The following INPP5F variants were observed in gnomAD, a reference collection of about 807,000 sequenced individuals.
INPP5F encodes phosphatidylinositide 4-phosphatase SAC2.
A neutral mutation model predicts 137.2 loss-of-function variants in INPP5F; 97 were observed. That is an observed-to-expected ratio of 0.71 (90% CI 0.60 to 0.84). The LOEUF (loss-of-function observed/expected upper bound fraction) is 0.84, where lower values mean the gene tolerates loss of function less well. Among genes scored for constraint, INPP5F ranks in the 40% least tolerant of loss-of-function variants. The pLI, the probability that INPP5F is intolerant of heterozygous loss-of-function variation, is 0.00. For missense variants in INPP5F, 1,271 were observed against 1,371.9 expected (o/e 0.93, Z 1.16); for synonymous variants, 504 against 476.9 (o/e 1.06, Z -0.74).
intron 1 of INPP5F, among the ~76,000 whole-genome samples, chr10:119,741,051 G>T (rs1848359610): frequency 6.6e-6 from 1 of 152,158 alleles, no homozygotes; most frequent in African/African-American, 2.4e-5. Flanking sequence ...ATGGAATTCT[G>T]TTTACGAAGG....
chr10:119,828,634 T>C lies in INPP5F; in HGVS notation c.*854T>C, dbSNP rs546290279. 11 of 152,336 alleles carry C rather than the reference T, an allele frequency of 7.2e-5. No individual in the cohort carries two copies. The highest frequency in any genetic ancestry group is 6.5e-4 in the Admixed American group (10 of 15,290). The allele number at this position is 152,336 out of a possible 1,614,324, so 9.4% of individuals were successfully genotyped here. A position where few individuals can be genotyped will look rare whatever the true frequency, so the allele number is the denominator to read the frequency against. On this transcript the variant is annotated 3_prime_UTR_variant, in exon 20 of 20. Coordinates refer to ENST00000650623, the MANE Select transcript of INPP5F (RefSeq NM_014937.4). Reference sequence around the variant, plus strand: ...GGCCTAGTGCAGTGGCTCACACCTATAATCCCAACACTTTGGGAGGCCAGG... The same window carrying C: ...GGCCTAGTGCAGTGGCTCACACCTACAATCCCAACACTTTGGGAGGCCAGG...
At chr10:119,745,782 G>A (rs1459047005) in intron 1 of INPP5F, among the ~76,000 whole-genome samples, 3 of 136,904 alleles carry the variant, frequency 2.2e-5, no homozygotes, top group Non-Finnish European at 4.5e-5. Context: ...TCGGCTCACT[G>A]CAACCTCCAC....
intron 9 of INPP5F, among the ~76,000 whole-genome samples, chr10:119,802,366 T>TTA (rs1850623978): frequency 6.6e-6 from 1 of 152,196 alleles, no homozygotes; most frequent in Non-Finnish European, 1.5e-5. Context: ...GGAATCACTA[T>TTA]TAAGCCATGT....
intron 1 of INPP5F, among the ~76,000 whole-genome samples, chr10:119,742,236 A>C (rs1848397380): frequency 6.6e-6 from 1 of 150,814 alleles, no homozygotes; most frequent in Non-Finnish European, 1.5e-5. Flanking sequence ...GCTCACTGCA[A>C]CCTCTGCCTC....
chr10:119,811,257 C>T (rs1376161778), intron 14 of INPP5F, among the ~76,000 whole-genome samples: 1 of 152,062 alleles, frequency 6.6e-6, no homozygotes, highest in Non-Finnish European at 1.5e-5. Context: ...CAGTGGTTGG[C>T]AGGTCTTCTT....
chr10:119,726,055 G>A lies in INPP5F; in HGVS notation c.-208G>A, dbSNP rs995522989. 3.3e-5 allele frequency: 12 copies of A among 359,514 alleles called. No homozygotes were observed. Among genetic ancestry groups the A allele is most frequent in the African/African-American group, 8.7e-5 (4 of 46,088 alleles). The allele number at this position is 359,514 out of a possible 1,614,324, so 22.3% of individuals were successfully genotyped here. A position where few individuals can be genotyped will look rare whatever the true frequency, so the allele number is the denominator to read the frequency against. On this transcript the variant is annotated 5_prime_UTR_variant, in exon 1 of 20. Transcript: ENST00000650623. Reference sequence around the variant, plus strand: ...GGAAGGGGAGGAGCGGGGGGGAGAGGCCTCTACGGCCGCCGCTGCCGCCGC... The same window carrying A: ...GGAAGGGGAGGAGCGGGGGGGAGAGACCTCTACGGCCGCCGCTGCCGCCGC...
chr10:119,806,842 C>G (rs1362969881), intron 12 of INPP5F, among the ~76,000 whole-genome samples: 1 of 149,630 alleles, frequency 6.7e-6, no homozygotes, highest in Non-Finnish European at 1.5e-5. Context: ...CAGTCTTGCT[C>G]TGTTGCCCAG....
chr10:119,744,500 ATT>A (rs35164723), intron 1 of INPP5F, among the ~76,000 whole-genome samples: 5 of 151,748 alleles, frequency 3.3e-5, no homozygotes, highest in Admixed American at 2.0e-4. Context: ...TACCTGTAGC[ATT>A]TTTTTTTGTC....
At chr10:119,813,134 A>G (rs1851111754) in intron 15 of INPP5F, among the ~76,000 whole-genome samples, 1 of 152,174 alleles carries the variant, frequency 6.6e-6, no homozygotes, top group South Asian at 2.1e-4. Context: ...GTTGGCTACG[A>G]TTTTGTAGGG....
rs201393381 is a variant in INPP5F, at chr10:119,797,628, C to T, written c.1036C>T (p.Arg346Trp). Residue 346 changes from arginine (R) to tryptophan (W), a missense_variant, in exon 8 of 20, where the codon CGG (arginine) becomes TGG (tryptophan). Around this residue, in one of 6 missense-constraint regions of INPP5F, gnomAD observed 593 missense variants for 712.4 expected, o/e 0.83. Transcript: ENST00000650623. ...TGGGTATCGATATAACCCAAGACCGCGGCTGGACAGAAGTAAGCAGGTCAA... is the reference window on the plus strand; with the variant it reads ...TGGGTATCGATATAACCCAAGACCGTGGCTGGACAGAAGTAAGCAGGTCAA... Reference protein sequence around the residue: ...QVGYRYNPRPRLDRSEKETVA... With the variant: ...QVGYRYNPRPWLDRSEKETVA... The T allele has an allele frequency of 2.6e-5, 42 of 1,608,984 alleles. No individual in the cohort carries two copies. Among genetic ancestry groups the T allele is most frequent in the Non-Finnish European group, 3.3e-5 (39 of 1,177,854 alleles).
chr10:119,823,918 C>T lies in INPP5F; in HGVS notation c.2249+16C>T. On this transcript the variant is annotated intron_variant, in intron 19 of 19. Coordinates refer to ENST00000650623, the MANE Select transcript of INPP5F (RefSeq NM_014937.4). The stretch of plus-strand genomic sequence containing the variant: ...AACTTGAGAGGTGAGTATACTGCTT[C>T]TCTCAAGAATAAAGGCATTCTTATC... The T allele has an allele frequency of 6.4e-7, 1 of 1,574,068 alleles. No homozygotes were observed.
rs1129795 is a variant in INPP5F, at chr10:119,828,750, C to T, written c.*970C>T. The T allele has an allele frequency of 0.064, 9,791 of 152,286 alleles. 359 individuals carry two copies. The highest frequency in any genetic ancestry group is 0.084 in the Non-Finnish European group (5,732 of 68,060). 9.4% of individuals were successfully genotyped at this position (152,286 alleles called of 1,614,324 possible). ...TGGTGCATGCCTGTGTTTCTAGCTA[C>T]GCAGGAGGATTGCTTGAGCCCATGA... On this transcript the variant is annotated 3_prime_UTR_variant, in exon 20 of 20. Transcript: ENST00000650623.
At chr10:119,735,091 A>G (rs1848182683) in intron 1 of INPP5F, among the ~76,000 whole-genome samples, 1 of 152,232 alleles carries the variant, frequency 6.6e-6, no homozygotes, top group Non-Finnish European at 1.5e-5. Context: ...CAGTACCTTC[A>G]CAAGACATAC....
chr10:119,807,621 G>T (rs1489177965), intron 12 of INPP5F, among the ~76,000 whole-genome samples: 1 of 152,192 alleles, frequency 6.6e-6, no homozygotes, highest in African/African-American at 2.4e-5. Context: ...TATTGTTTCT[G>T]TGTGCTTTTT....
chr10:119,798,616 C>T lies in INPP5F; in HGVS notation c.1116+6C>T, dbSNP rs141105709. Reference sequence around the variant, plus strand: ...TGAACATTTACAAAAAACAGGTGGGCTTTGATTTACAGTAGTAAAATGTTC... The same window carrying T: ...TGAACATTTACAAAAAACAGGTGGGTTTTGATTTACAGTAGTAAAATGTTC... On this transcript the variant is annotated splice_donor_region_variant and intron_variant, in intron 9 of 19. Coordinates refer to ENST00000650623, the MANE Select transcript of INPP5F (RefSeq NM_014937.4). The T allele has an allele frequency of 4.0e-4, 643 of 1,598,858 alleles. 7 individuals carry two copies. In the East Asian group the frequency reaches 0.014, roughly 35 times the overall value.
intron 1 of INPP5F, among the ~76,000 whole-genome samples, chr10:119,728,661 T>A (rs1847960514): frequency 6.6e-6 from 1 of 152,216 alleles, no homozygotes; most frequent in African/African-American, 2.4e-5. Flanking sequence ...AGAGTTTTCC[T>A]TTTTCTAGAG....
At chr10:119,756,020 G>C (rs1285282394) in intron 2 of INPP5F, among the ~76,000 whole-genome samples, 1 of 152,060 alleles carries the variant, frequency 6.6e-6, no homozygotes, top group African/African-American at 2.4e-5. Context: ...GCCAGGTGTG[G>C]TGGCACACAC....
Position 119,824,382 on chromosome 10 carries a change from G to A in INPP5F, c.2249+480G>A, listed in dbSNP as rs540520876. On this transcript the variant is annotated intron_variant, in intron 19 of 19. Coordinates refer to ENST00000650623, the MANE Select transcript of INPP5F (RefSeq NM_014937.4). Reference sequence around the variant, plus strand: ...CTTTCATAACTTTGACATTTTTTAAGAGTACTGGTCAGCTGTTTTGTAGAA... The same window carrying A: ...CTTTCATAACTTTGACATTTTTTAAAAGTACTGGTCAGCTGTTTTGTAGAA... 1.9e-4 allele frequency among the ~76,000 whole-genome samples: 29 copies of A among 152,224 alleles called. No homozygotes were observed. In the South Asian group the frequency reaches 5.0e-3, roughly 26 times the overall value.
At position 119,806,524 on chromosome 10, in the gene INPP5F, C is replaced by CTT. The variant is rs201734045; in HGVS notation, c.1440+52_1440+53dup. 6.6e-6 allele frequency: 10 copies of CTT among 1,507,382 alleles called. No homozygotes were observed. The African/African-American group carries it at 8.5e-5, about 13-fold the overall frequency. 93.4% of individuals were successfully genotyped at this position (1,507,382 alleles called of 1,614,324 possible). ...GATTGCAAATATTCATTTCGAAATG[C>CTT]TTTTTTTTTCCATGAGTAAGCAAAT... On this transcript the variant is annotated intron_variant, in intron 12 of 19. Coordinates refer to ENST00000650623, the MANE Select transcript of INPP5F (RefSeq NM_014937.4).
Sources: gnomAD v4.1 joint callset for allele counts (sites outside exome capture counted in the v4.1 genomes callset) on GRCh38, gnomAD v4.1.1 for gene constraint, gnomAD v4.1.1 regional missense constraint, MANE v1.5 for transcripts, NCBI Gene and HGNC (gene_info 2026-07-23, HGNC 2026-07-21) for gene names.